The following PKD1L1 variants were observed in gnomAD, a reference collection of about 807,000 sequenced individuals.
PKD1L1 encodes the protein polycystin-1-like protein 1.
PKD1L1 carries 236 observed loss-of-function variants against 323.4 expected under a neutral mutation model. That is an observed-to-expected ratio of 0.73 (90% confidence interval 0.66 to 0.81). The LOEUF (loss-of-function observed/expected upper bound fraction) is 0.81. PKD1L1 is among the 40% of genes least tolerant of loss of function. The pLI is 0.00. For missense variants in PKD1L1, 3,320 were observed against 3,508.0 expected, an observed-to-expected ratio of 0.95 and a Z score of 1.35; for synonymous variants, 1,344 against 1,335.0, an observed-to-expected ratio of 1.01 and a Z score of -0.15.
At chr7:47,910,423 C>A (rs984957060) in intron 8 of PKD1L1, among the ~76,000 whole-genome samples, 6 of 150,226 alleles carry the variant, frequency 4.0e-5, no homozygotes, top group African/African-American at 1.5e-4. Context: ...CAAGCTCTGC[C>A]TCCCAGGTTC....
chr7:47,792,483 G>T lies in PKD1L1; in HGVS notation c.8526+144C>A, dbSNP rs1786972498. 5 of 809,260 alleles carry T rather than the reference G, an allele frequency of 6.2e-6. No homozygotes were observed. In the East Asian group the frequency reaches 1.1e-4, roughly 17 times the overall value. 50.1% of individuals were successfully genotyped at this position (809,260 alleles called of 1,614,324 possible). On this transcript the variant is annotated intron_variant, in intron 56 of 56. Coordinates refer to ENST00000289672, the MANE Select transcript of PKD1L1 (RefSeq NM_138295.5). ...TTAAGTGGTTCTTTAGTTCTGGCCA[G>T]AGCATATCTTATCAGCAGTATGATA...
At chr7:47,960,765 A>T in the PKD1L1 span, among the ~76,000 whole-genome samples, 2 of 152,114 alleles carry the variant, frequency 1.3e-5, no homozygotes, top group Non-Finnish European at 2.9e-5. Context: ...GCCAACAGGT[A>T]TATGAAAAAA....
upstream of PKD1L1, among the ~76,000 whole-genome samples, chr7:47,950,315 G>A (rs990829879): frequency 2.6e-5 from 4 of 152,050 alleles, no homozygotes; most frequent in Non-Finnish European, 5.9e-5. Context: ...CTGAGAACAG[G>A]GCCTACATTT....
intron 7 of PKD1L1, among the ~76,000 whole-genome samples, chr7:47,926,795 G>A (rs189155920): frequency 2.0e-5 from 3 of 152,238 alleles, no homozygotes; most frequent in South Asian, 2.1e-4. Context: ...TGTGGCAACC[G>A]AATTCCAGCA....
chr7:47,818,315 G>C, intron 46 of PKD1L1: 1 of 704,532 alleles, frequency 1.4e-6, no homozygotes, highest in Non-Finnish European at 2.0e-6. Context: ...GGCTGGAGGT[G>C]AATTTTCAAC....
chr7:47,791,462 AT>A (rs10590668), intron 56 of PKD1L1, among the ~76,000 whole-genome samples: 20,647 of 145,422 alleles, frequency 0.14, 1,598 homozygotes, highest in East Asian at 0.26. Flanking sequence ...TCAAAGAGAC[AT>A]TTTTTTTTTT....
In PKD1L1 at chr7:47,819,129, G is replaced by A. The variant is rs188565289; in HGVS notation, c.6965+1947C>T. On this transcript the variant is annotated intron_variant, in intron 46 of 56. Coordinates refer to ENST00000289672, the MANE Select transcript of PKD1L1 (RefSeq NM_138295.5). ...TTCAGGATTAGGTATTGGGGGCTAGGGGGTGAGACGGAGAGGGTCCACTTT... is the reference window on the plus strand; with the variant it reads ...TTCAGGATTAGGTATTGGGGGCTAGAGGGTGAGACGGAGAGGGTCCACTTT... Among the ~76,000 whole-genome samples the A allele has an allele frequency of 2.6e-5, 4 of 152,282 alleles. No individual in the cohort carries two copies. The East Asian group carries it at 7.7e-4, about 29-fold the overall frequency.
At chr7:47,930,198 T>C (rs992385336) in intron 6 of PKD1L1, among the ~76,000 whole-genome samples, 2 of 150,204 alleles carry the variant, frequency 1.3e-5, no homozygotes, top group Middle Eastern at 3.5e-3. Flanking sequence ...AGTATCTTAA[T>C]GGCCAATTCT....
intron 4 of PKD1L1, among the ~76,000 whole-genome samples, chr7:47,933,917 A>C (rs897557380): frequency 2.0e-5 from 3 of 152,204 alleles, no homozygotes; most frequent in Non-Finnish European, 4.4e-5. Flanking sequence ...ATCTGCCGCC[A>C]GAAGCTCTGC....
At chr7:47,892,019 C>A (rs1786830421) in intron 15 of PKD1L1, among the ~76,000 whole-genome samples, 1 of 152,218 alleles carries the variant, frequency 6.6e-6, no homozygotes, top group South Asian at 2.1e-4. Context: ...CGCAACTCAT[C>A]TATTGCTTTA....
upstream of PKD1L1, among the ~76,000 whole-genome samples, chr7:47,953,146 A>C (rs1169562704): frequency 6.6e-6 from 1 of 152,204 alleles, no homozygotes; most frequent in Non-Finnish European, 1.5e-5. Flanking sequence ...TTTCTGTCTC[A>C]AAAGTACATT....
intron 1 of PKD1L1, 82 bp downstream of exon 1, chr7:47,948,315 G>T: frequency 6.6e-7 from 1 of 1,510,932 alleles, no homozygotes; most frequent in Non-Finnish European, 9.2e-7. Flanking sequence ...CATCCTAGAG[G>T]TGATGACTTT....
intron 4 of PKD1L1, among the ~76,000 whole-genome samples, chr7:47,935,378 G>A (rs571741468): frequency 1.3e-5 from 2 of 152,172 alleles, no homozygotes; most frequent in African/African-American, 2.4e-5. Flanking sequence ...GGGCCTCAGC[G>A]ATCAGATTTC....
chr7:47,915,748 C>G, intron 7 of PKD1L1, 149 bp from the exon 8 acceptor site: 1 of 523,984 alleles, frequency 1.9e-6, no homozygotes, highest in South Asian at 3.0e-5. Context: ...AGAAATACAA[C>G]GAAATAAAAA....
At chr7:47,856,456 T>C (rs1026833026) in intron 28 of PKD1L1, among the ~76,000 whole-genome samples, 3 of 152,236 alleles carry the variant, frequency 2.0e-5, no homozygotes, top group African/African-American at 7.2e-5. Flanking sequence ...CATTTCTATT[T>C]GAGTTATAAT....
intron 46 of PKD1L1, chr7:47,818,218 A>G: frequency 7.4e-7 from 1 of 1,350,480 alleles, no homozygotes; most frequent in Non-Finnish European, 9.9e-7. Flanking sequence ...ATCTCTGCAA[A>G]TATTCACGCC....
At chr7:47,954,483 T>C in the PKD1L1 span, among the ~76,000 whole-genome samples, 1 of 152,190 alleles carries the variant, frequency 6.6e-6, no homozygotes, top group Non-Finnish European at 1.5e-5. Flanking sequence ...TCTTGCCTCC[T>C]TTCTGTCTCC....
chr7:47,778,522 G>A (rs188732131), intron 56 of PKD1L1, among the ~76,000 whole-genome samples: 190 of 152,296 alleles, frequency 1.2e-3, no homozygotes, highest in African/African-American at 4.4e-3. Context: ...CCCTCAAACA[G>A]GTGAAGATGA....
intron 31 of PKD1L1, among the ~76,000 whole-genome samples, chr7:47,850,632 CAAAAAA>C (rs58437908): frequency 1.3e-5 from 1 of 75,814 alleles, no homozygotes; most frequent in Non-Finnish European, 2.4e-5. Flanking sequence ...GACTCTGTCT[CAAAAAA>C]AAAAAAAAAA....
Sources: gnomAD v4.1 joint callset for allele counts (sites outside exome capture counted in the v4.1 genomes callset) on GRCh38, gnomAD v4.1.1 for gene constraint, MANE v1.5 for transcripts, NCBI Gene and HGNC (gene_info 2026-07-23, HGNC 2026-07-21) for gene names.